The following ZFPM2 variants were observed in gnomAD, a reference collection of about 807,000 sequenced individuals.
ZFPM2 encodes the protein zinc finger protein, FOG family member 2, also known as zinc finger protein ZFPM2.
In ZFPM2, 20 loss-of-function variants were observed where a neutral mutation model predicts 98.6. The ratio of observed to expected loss-of-function variants is 0.20; its 90% confidence interval spans 0.14 to 0.29. The LOEUF (loss-of-function observed/expected upper bound fraction) is 0.29. Ranked by LOEUF, ZFPM2 falls within the 10% of genes least tolerant of loss-of-function variation. The pLI, the probability that ZFPM2 is intolerant of heterozygous loss-of-function variation, is 1.00. For missense variants in ZFPM2, 1,310 were observed against 1,388.6 expected, an observed-to-expected ratio of 0.94 and a Z score of 0.90; for synonymous variants, 518 against 502.7, an observed-to-expected ratio of 1.03 and a Z score of -0.41.
At chr8:105,564,955 T>C (rs935838806) in intron 4 of ZFPM2, among the ~76,000 whole-genome samples, 4 of 152,108 alleles carry the variant, frequency 2.6e-5, no homozygotes, top group Admixed American at 6.6e-5. Flanking sequence ...TAATAAAATA[T>C]ATAGCCTACT....
At chr8:105,652,851 A>T (rs1817208068) in intron 5 of ZFPM2, among the ~76,000 whole-genome samples, 1 of 152,192 alleles carries the variant, frequency 6.6e-6, no homozygotes, top group South Asian at 2.1e-4. Context: ...AATAGTAAAT[A>T]CTCTGTGGTC....
chr8:105,420,385 A>C (rs1811768576), intron 2 of ZFPM2, among the ~76,000 whole-genome samples: 1 of 152,104 alleles, frequency 6.6e-6, no homozygotes, highest in African/African-American at 2.4e-5. Context: ...GATGGTGTCA[A>C]CAAAAAAAGT....
At chr8:105,332,769 G>A (rs1812256379) in intron 1 of ZFPM2, among the ~76,000 whole-genome samples, 1 of 151,584 alleles carries the variant, frequency 6.6e-6, no homozygotes, top group African/African-American at 2.4e-5. Context: ...AAGGAGGAGT[G>A]GGAGATGTAG....
rs1812796284 is a variant in ZFPM2, at chr8:105,466,381, A to T, written c.301+22000A>T. ...AAAACAGTTTAAAACAACAAAACTT[A>T]CTATAAATTAATTTCTGTAAGCTAC... On this transcript the variant is annotated intron_variant, in intron 3 of 7. Coordinates refer to ENST00000407775, the MANE Select transcript of ZFPM2 (RefSeq NM_012082.4). Among the ~76,000 whole-genome samples the T allele has an allele frequency of 2.0e-5, 3 of 152,188 alleles. No homozygotes were observed. The South Asian group carries it at 6.2e-4, about 31-fold the overall frequency.
At chr8:105,553,922 C>A (rs1814923680) in intron 3 of ZFPM2, among the ~76,000 whole-genome samples, 1 of 152,058 alleles carries the variant, frequency 6.6e-6, no homozygotes, top group African/African-American at 2.4e-5. Context: ...GTGACAACTT[C>A]CAACAGTAGG....
intron 1 of ZFPM2, among the ~76,000 whole-genome samples, chr8:105,341,150 T>C (rs1812422246): frequency 6.6e-6 from 1 of 151,898 alleles, no homozygotes; most frequent in Non-Finnish European, 1.5e-5. Flanking sequence ...ATGTAGTTAC[T>C]AAGGTAGGTA....
intron 1 of ZFPM2, among the ~76,000 whole-genome samples, chr8:105,336,519 G>A (rs900040269): frequency 1.2e-4 from 18 of 151,544 alleles, no homozygotes; most frequent in African/African-American, 4.4e-4. Flanking sequence ...TGTAGTTGAC[G>A]TAAGTTTTAT....
chr8:105,344,427 T>A (rs1048003750), intron 1 of ZFPM2, among the ~76,000 whole-genome samples: 8 of 152,302 alleles, frequency 5.3e-5, no homozygotes, highest in African/African-American at 1.7e-4. Flanking sequence ...TTCTTCCCAC[T>A]TTGACATTCC....
intron 5 of ZFPM2, among the ~76,000 whole-genome samples, chr8:105,647,639 G>A (rs966975930): frequency 6.7e-6 from 1 of 149,128 alleles, no homozygotes; most frequent in African/African-American, 2.5e-5. Flanking sequence ...TCAGTTTTTT[G>A]TCTTTGCGAT....
intron 4 of ZFPM2, among the ~76,000 whole-genome samples, chr8:105,565,871 C>T (rs1232750096): frequency 6.6e-6 from 1 of 152,064 alleles, no homozygotes; most frequent in African/African-American, 2.4e-5. Context: ...TCCAGAGAAA[C>T]AGAACAACAG....
At chr8:105,508,500 T>C (rs2130498042) in intron 3 of ZFPM2, among the ~76,000 whole-genome samples, 1 of 152,260 alleles carries the variant, frequency 6.6e-6, no homozygotes, top group Non-Finnish European at 1.5e-5. Context: ...AATACTTTAA[T>C]AAGAGACCTT....
rs1235825112 is a variant in ZFPM2, at chr8:105,804,403, T to C, written c.*865T>C. The C allele has an allele frequency of 6.6e-6, 1 of 152,626 alleles. No individual in the cohort carries two copies. Among genetic ancestry groups the C allele is most frequent in the Non-Finnish European group, 1.5e-5 (1 of 68,026 alleles). 9.5% of individuals were successfully genotyped at this position (152,626 alleles called of 1,614,324 possible). Reference sequence around the variant, plus strand: ...ATGAATTTAATTCATATATAAGATCTATTTAAATATAAGAGTAGCAATACT... The same window carrying C: ...ATGAATTTAATTCATATATAAGATCCATTTAAATATAAGAGTAGCAATACT... On this transcript the variant is annotated 3_prime_UTR_variant, in exon 8 of 8. Coordinates refer to ENST00000407775, the MANE Select transcript of ZFPM2 (RefSeq NM_012082.4).
intron 6 of ZFPM2, among the ~76,000 whole-genome samples, chr8:105,796,552 A>ATACT (rs1350977403): frequency 4.6e-5 from 7 of 152,320 alleles, no homozygotes; most frequent in African/African-American, 1.4e-4. Flanking sequence ...CTCTATTATT[A>ATACT]TACTTACTAT....
chr8:105,733,924 A>T (rs1812008969), intron 5 of ZFPM2, among the ~76,000 whole-genome samples: 1 of 151,874 alleles, frequency 6.6e-6, no homozygotes, highest in African/African-American at 2.4e-5. Context: ...CAAATCAAGG[A>T]CATTTTGCAA....
intron 1 of ZFPM2, among the ~76,000 whole-genome samples, chr8:105,353,588 C>G (rs1812688684): frequency 1.3e-5 from 2 of 152,074 alleles, no homozygotes; most frequent in Admixed American, 1.3e-4. Context: ...TATTTTTTGG[C>G]TACATCTCCA....
chr8:105,539,571 G>A (rs1403771218), intron 3 of ZFPM2, among the ~76,000 whole-genome samples: 1 of 152,132 alleles, frequency 6.6e-6, no homozygotes, highest in Non-Finnish European at 1.5e-5. Flanking sequence ...CAATTTTTAT[G>A]TAGCGTCGTG....
chr8:105,679,169 T>C (rs1810542689), intron 5 of ZFPM2: 1 of 152,208 alleles, frequency 6.6e-6, no homozygotes, highest in Non-Finnish European at 1.5e-5. Flanking sequence ...AAATTTTAAT[T>C]ATTGCCATCA....
At chr8:105,758,634 G>A (rs1385729531) in intron 5 of ZFPM2, among the ~76,000 whole-genome samples, 2 of 151,842 alleles carry the variant, frequency 1.3e-5, no homozygotes. Flanking sequence ...TCATTTTTAG[G>A]AGTCTTATTG....
At chr8:105,444,199 G>A in intron 2 of ZFPM2, 81 bp from the exon 3 acceptor site, 3 of 1,052,848 alleles carry the variant, frequency 2.8e-6, no homozygotes, top group Non-Finnish European at 4.3e-6. Flanking sequence ...TATATGATAA[G>A]GACATCCCTT....
Sources: gnomAD v4.1 joint callset for allele counts (sites outside exome capture counted in the v4.1 genomes callset) on GRCh38, gnomAD v4.1.1 for gene constraint, MANE v1.5 for transcripts, NCBI Gene and HGNC (gene_info 2026-07-23, HGNC 2026-07-21) for gene names.